The following KCNK2 variants were observed in gnomAD, a reference collection of about 807,000 sequenced individuals.
KCNK2 encodes the protein potassium channel subfamily K member 2.
Under a neutral mutation model 40.5 loss-of-function variants are expected in KCNK2, and 21 were observed. The observed-to-expected ratio is 0.52, with a 90% confidence interval of 0.37 to 0.75. The LOEUF (loss-of-function observed/expected upper bound fraction) is 0.75. Ranked by LOEUF, KCNK2 falls within the 30% of genes least tolerant of loss-of-function variation. The pLI, the probability that KCNK2 is intolerant of heterozygous loss-of-function variation, is 0.00. For synonymous variants in KCNK2, 191 were observed against 202.2 expected (o/e 0.94, Z 0.47); for missense variants, 399 against 531.6 (o/e 0.75, Z 2.45).
chr1:215,099,618 A>T (rs1660126107), intron 2 of KCNK2, among the ~76,000 whole-genome samples: 1 of 151,948 alleles, frequency 6.6e-6, no homozygotes, highest in South Asian at 2.1e-4. Flanking sequence ...AAGCTTAGGG[A>T]AATAAGTGGT....
intron 1 of KCNK2, among the ~76,000 whole-genome samples, chr1:215,014,450 C>G (rs767374497): frequency 3.9e-4 from 59 of 151,716 alleles, no homozygotes; most frequent in African/African-American, 1.2e-3. Context: ...CAATTTAAGG[C>G]TCTCAGAATA....
intron 3 of KCNK2, among the ~76,000 whole-genome samples, chr1:215,154,824 C>G (rs1662845489): frequency 6.6e-6 from 1 of 152,094 alleles, no homozygotes; most frequent in African/African-American, 2.4e-5. Context: ...CCAGCACCAT[C>G]TATTGAATAG....
intron 2 of KCNK2, among the ~76,000 whole-genome samples, chr1:215,099,477 G>A (rs1162917355): frequency 6.6e-6 from 1 of 151,986 alleles, no homozygotes; most frequent in Admixed American, 6.6e-5. Context: ...TTGAGTGAAA[G>A]TGCTACTATT....
intron 3 of KCNK2, among the ~76,000 whole-genome samples, chr1:215,159,062 T>G (rs953971462): frequency 7.2e-5 from 11 of 152,214 alleles, no homozygotes; most frequent in African/African-American, 2.2e-4. Context: ...GATGGCCTTT[T>G]TCTTCTTTAA....
At chr1:215,059,730 A>C (rs1308094483) in intron 1 of KCNK2, among the ~76,000 whole-genome samples, 1 of 152,214 alleles carries the variant, frequency 6.6e-6, no homozygotes, top group African/African-American at 2.4e-5. Context: ...GTAAAAGACA[A>C]GGCCATGTTA....
At chr1:215,035,409 C>G (rs1335064851) in intron 1 of KCNK2, among the ~76,000 whole-genome samples, 1 of 152,070 alleles carries the variant, frequency 6.6e-6, no homozygotes, top group Non-Finnish European at 1.5e-5. Flanking sequence ...TATGTAGCTC[C>G]TTCGTTGTCT....
At chr1:215,200,956 C>G (rs1004652482) in intron 6 of KCNK2, among the ~76,000 whole-genome samples, 10 of 152,130 alleles carry the variant, frequency 6.6e-5, no homozygotes, top group Admixed American at 5.9e-4. Context: ...AAAATTGCAT[C>G]TGCGTGCCTG....
chr1:215,218,334 C>T (rs1666037417), intron 6 of KCNK2, among the ~76,000 whole-genome samples: 1 of 152,152 alleles, frequency 6.6e-6, no homozygotes, highest in Non-Finnish European at 1.5e-5. Flanking sequence ...GCAGGAGCTG[C>T]TGGGAAGGGG....
intron 2 of KCNK2, among the ~76,000 whole-genome samples, chr1:215,091,297 G>C (rs1488116817): frequency 6.6e-6 from 1 of 152,118 alleles, no homozygotes; most frequent in Non-Finnish European, 1.5e-5. Context: ...AGGGGCATGA[G>C]CAGGTTTGAC....
chr1:215,173,581 CA>C (rs1202959533), intron 5 of KCNK2, among the ~76,000 whole-genome samples: 1 of 152,160 alleles, frequency 6.6e-6, no homozygotes, highest in Non-Finnish European at 1.5e-5. Context: ...TTTACAGTCC[CA>C]CCAACAGTGT....
chr1:215,103,808 C>T (rs1188216290), intron 2 of KCNK2, among the ~76,000 whole-genome samples: 2 of 152,008 alleles, frequency 1.3e-5, no homozygotes, highest in African/African-American at 4.8e-5. Context: ...ACCTCGCAAT[C>T]ATATTATTTC....
At chr1:215,017,489 G>C (rs910554017) in intron 1 of KCNK2, among the ~76,000 whole-genome samples, 1 of 152,148 alleles carries the variant, frequency 6.6e-6, no homozygotes, top group Non-Finnish European at 1.5e-5. Context: ...AAGTCAGACA[G>C]AGATGGCAAC....
intron 2 of KCNK2, among the ~76,000 whole-genome samples, chr1:215,113,326 C>T (rs1055082850): frequency 3.9e-5 from 6 of 152,098 alleles, no homozygotes; most frequent in Admixed American, 1.3e-4. Flanking sequence ...AGTAATACAA[C>T]TGAACTATTA....
Position 215,083,199 on chromosome 1 carries a change from C to CCCCCCCCCCCCCCCCCCT in KCNK2, c.-183_-182insCCCCCCCCCCCCCTCCCC. 1 of 685,072 alleles carries CCCCCCCCCCCCCCCCCCT rather than the reference C, an allele frequency of 1.5e-6. No individual in the cohort carries two copies. The highest frequency in any genetic ancestry group is 2.3e-5 in the Admixed American group (1 of 42,652). 42.4% of individuals were successfully genotyped at this position (685,072 alleles called of 1,614,324 possible). ...GATTTCGTTTCTTCTCACGCTCCCC[C>CCCCCCCCCCCCCCCCCCT]CCCCGCCCCCTCCCGCGTCCAGCCC... On this transcript the variant is annotated 5_prime_UTR_variant, in exon 1 of 7. Transcript: ENST00000444842.
At chr1:215,117,893 T>C (rs931761206) in intron 2 of KCNK2, among the ~76,000 whole-genome samples, 1 of 152,072 alleles carries the variant, frequency 6.6e-6, no homozygotes, top group Non-Finnish European at 1.5e-5. Context: ...TAATTTAATA[T>C]GTAAAATGGC....
intron 1 of KCNK2, among the ~76,000 whole-genome samples, chr1:215,039,962 G>A (rs1254226030): frequency 6.6e-6 from 1 of 152,152 alleles, no homozygotes. Flanking sequence ...CAATCTGGAA[G>A]TGCCACTTTG....
intron 1 of KCNK2, among the ~76,000 whole-genome samples, chr1:215,022,222 AG>A (rs1656830888): frequency 6.6e-6 from 1 of 151,834 alleles, no homozygotes; most frequent in Non-Finnish European, 1.5e-5. Flanking sequence ...CATTGTTTCA[AG>A]GTCTTTTCCA....
intron 1 of KCNK2, among the ~76,000 whole-genome samples, chr1:215,056,499 CAAAAAA>C (rs376076606): frequency 3.6e-5 from 2 of 55,200 alleles, no homozygotes; most frequent in South Asian, 8.2e-4. Flanking sequence ...GACTCAGTCT[CAAAAAA>C]AAAAAAAAAA....
chr1:215,151,621 A>G (rs932853613), intron 3 of KCNK2, among the ~76,000 whole-genome samples: 1 of 152,038 alleles, frequency 6.6e-6, no homozygotes, highest in Non-Finnish European at 1.5e-5. Flanking sequence ...TTATGCATAG[A>G]TTTGATAAAA....
Sources: gnomAD v4.1 joint callset for allele counts (sites outside exome capture counted in the v4.1 genomes callset) on GRCh38, gnomAD v4.1.1 for gene constraint, MANE v1.5 for transcripts, NCBI Gene and HGNC (gene_info 2026-07-23, HGNC 2026-07-21) for gene names.